The following AZU1 variants were observed in gnomAD, a reference collection of about 807,000 sequenced individuals.
AZU1 encodes azurocidin.
A neutral mutation model predicts 17.8 loss-of-function variants in AZU1; 21 were observed. The ratio of observed to expected loss-of-function variants is 1.18; its 90% CI spans 0.84 to 1.70. The LOEUF (loss-of-function observed/expected upper bound fraction) is 1.70. Ranked by LOEUF, AZU1 falls within the 40% of genes most tolerant of loss-of-function variation. The pLI, the probability that AZU1 is intolerant of heterozygous loss-of-function variation, is 0.00. For missense variants in AZU1, 379 were observed against 362.9 expected, an observed-to-expected ratio of 1.04 and a Z score of -0.36; for synonymous variants, 178 against 155.2, an observed-to-expected ratio of 1.15 and a Z score of -1.09.
chr19:830,643 C>T (rs2035275371), intron 3 of AZU1, 65 bp from the exon 4 acceptor site: 1 of 1,366,000 alleles, frequency 7.3e-7, no homozygotes, highest in African/African-American at 1.5e-5. Context: ...ACTTCTGCTC[C>T]CAGGGGTCCC....
chr19:828,061 G>T (rs2035236464), intron 1 of AZU1, among the ~76,000 whole-genome samples, 157 bp downstream of exon 1: 1 of 152,274 alleles, frequency 6.6e-6, no homozygotes, highest in African/African-American at 2.4e-5. Context: ...AGGGCGGACG[G>T]TGTGCGGGAC....
chr19:827,896 C>T lies in AZU1; in HGVS notation c.50C>T (p.Ser17Leu), dbSNP rs1052363793. 13 of 1,537,090 alleles carry T rather than the reference C, an allele frequency of 8.5e-6. No homozygotes were observed. The highest frequency in any genetic ancestry group is 2.0e-5 in the Admixed American group (1 of 51,146). ...CTGCTGGCTGGTCTGCTGGCGTCCT[C>T]GAGGGCCGGTGAGTGCCTCTCTGTG... is the stretch of plus-strand genomic sequence containing the variant. ...LALLAGLLAS[S>L]RAGSSPLLDI... Residue 17 changes from serine (S) to leucine (L), a missense_variant, in exon 1 of 5, where the codon TCG becomes TTG. Physicochemically the swap from Ser to Leu is moderately radical, Grantham distance 145. Coordinates refer to ENST00000233997, the MANE Select transcript of AZU1 (RefSeq NM_001700.5).
chr19:831,122 G>C, intron 4 of AZU1, 181 bp downstream of exon 4: 1 of 620,458 alleles, frequency 1.6e-6, no homozygotes, highest in East Asian at 2.9e-5. Flanking sequence ...CTGTCGCCCA[G>C]GCTGGAGTGT....
chr19:831,165 C>A (rs1307458362), intron 4 of AZU1: 6 of 518,132 alleles, frequency 1.2e-5, no homozygotes, highest in Non-Finnish European at 1.7e-5. Context: ...ACTGCAACCT[C>A]CGCCTCCTGG....
chr19:830,690 C>T lies in AZU1; in HGVS notation c.361-18C>T, dbSNP rs919044111. On this transcript the variant is annotated intron_variant, in intron 3 of 4. Coordinates refer to ENST00000233997, the MANE Select transcript of AZU1 (RefSeq NM_001700.5). ...AGTCCCCAGGGCCACCCTCCCCTGA[C>T]TCCATTTCCTTCCCCAGCTGGACCG... is the stretch of plus-strand genomic sequence containing the variant. 20 of 1,543,546 alleles carry T rather than the reference C, an allele frequency of 1.3e-5. 1 individual carries two copies. Among genetic ancestry groups the T allele is most frequent in the Middle Eastern group, 3.4e-4 (2 of 5,812 alleles).
intron 1 of AZU1, 85 bp from the exon 2 acceptor site, chr19:828,145 A>T: frequency 3.4e-6 from 5 of 1,467,068 alleles, no homozygotes; most frequent in Non-Finnish European, 4.6e-6. Context: ...CACTGGGTGG[A>T]TAGAGCTGAG....
intron 1 of AZU1, 125 bp downstream of exon 1, chr19:828,029 G>C: frequency 1.4e-6 from 2 of 1,421,192 alleles, no homozygotes; most frequent in South Asian, 1.3e-5. Flanking sequence ...AGCCCGGCCT[G>C]GACGATCCCG....
intron 4 of AZU1, 65 bp from the exon 5 acceptor site, chr19:831,651 T>C: frequency 1.4e-6 from 2 of 1,480,366 alleles, no homozygotes; most frequent in Non-Finnish European, 1.8e-6. Context: ...AAGAGGCCTC[T>C]GCAGTTCTGG....
chr19:828,317 GGCACTTCT>G lies in AZU1; in HGVS notation c.149_156del (p.His50ArgfsTer25). On this transcript the variant is annotated frameshift_variant, in exon 2 of 5. Transcript: ENST00000233997. LOFTEE classifies it high-confidence loss of function. ...CTGGCCTCCATTCAGAATCAAGGCA[GGCACTTCT>G]GCGGGGGTGCCCTGATCCATGCCCG... The G allele has an allele frequency of 1.2e-6, 2 of 1,611,364 alleles. No homozygotes were observed. Among genetic ancestry groups the G allele is most frequent in the Non-Finnish European group, 1.7e-6 (2 of 1,179,400 alleles).
At chr19:830,993 C>G (rs540843317) in intron 4 of AZU1, 52 bp downstream of exon 4, 6 of 1,546,112 alleles carry the variant, frequency 3.9e-6, no homozygotes, top group South Asian at 1.1e-5. Context: ...CTGAGCTCTC[C>G]GTGGCAGGAG....
Position 828,104 on chromosome 19 carries a change from C to A in AZU1, c.59-126C>A, listed in dbSNP as rs115762846. 179 of 1,328,448 alleles carry A rather than the reference C, an allele frequency of 1.3e-4. 2 individuals are homozygous for A. In the South Asian group the frequency reaches 2.3e-3, roughly 17 times the overall value. The allele number at this position is 1,328,448 out of a possible 1,614,324, so 82.3% of individuals were successfully genotyped here. A position where few individuals can be genotyped will look rare whatever the true frequency, so the allele number is the denominator to read the frequency against. Reference sequence around the variant, plus strand: ...CCCCCTGTCCTCTTAGGGAGTGGGACGATGGGGGAGGGTGGGTCCCCCCGC... The same window carrying A: ...CCCCCTGTCCTCTTAGGGAGTGGGAAGATGGGGGAGGGTGGGTCCCCCCGC... On this transcript the variant is annotated intron_variant, in intron 1 of 4. Transcript: ENST00000233997.
intron 3 of AZU1, among the ~76,000 whole-genome samples, 153 bp downstream of exon 3, chr19:829,859 C>T (rs1025104466): frequency 6.6e-6 from 1 of 151,702 alleles, no homozygotes; most frequent in Non-Finnish European, 1.5e-5. Flanking sequence ...GAGGCCGAGG[C>T]GGAAGGACGG....
Position 830,881 on chromosome 19 carries a change from C to T in AZU1, c.534C>T (p.Asp178=). 6.2e-7 allele frequency: 1 copy of T among 1,606,368 alleles called. No individual in the cohort carries two copies. Among genetic ancestry groups the T allele is most frequent in the Non-Finnish European group, 8.5e-7 (1 of 1,179,956 alleles). The change falls in exon 4 of 5, where the codon GAC becomes GAT. Residue 178 remains aspartate (D), a synonymous_variant. Transcript: ENST00000233997. The part of the protein sequence containing the change: ...RFVNVTVTPE[D]QCRPNNVCTG... ...TCAACGTGACTGTGACCCCCGAGGA[C>T]CAGTGTCGCCCCAACAACGTGTGCA...
At chr19:830,648 G>A (rs1393852624) in intron 3 of AZU1, 60 bp from the exon 4 acceptor site, 1 of 1,408,714 alleles carries the variant, frequency 7.1e-7, no homozygotes, top group African/African-American at 1.4e-5. Context: ...TGCTCCCAGG[G>A]GTCCCCATGA....
In AZU1 at chr19:829,643, C is replaced by T. The variant is rs1334379170; in HGVS notation, c.297C>T (p.Ile99=). 2.5e-6 allele frequency: 4 copies of T among 1,613,464 alleles called. No homozygotes were observed. The highest frequency in any genetic ancestry group is 3.4e-6 in the Non-Finnish European group (4 of 1,179,962). The part of the protein sequence containing the change: ...RERQSRQTFS[I]SSMSENGYDP... ...GGCAGTCCCGCCAGACGTTTTCCAT[C>T]AGCAGCATGAGCGAGAATGGCTACG... The change falls in exon 3 of 5, where the codon ATC becomes ATT. Residue 99 remains isoleucine (I), a synonymous_variant. Coordinates refer to ENST00000233997, the MANE Select transcript of AZU1 (RefSeq NM_001700.5).
rs2035263567 is a variant in AZU1, at chr19:829,721, C to T, written c.360+15C>T. ...TGCTGCTTCAGGTGAGAGGATGGTGCCACCTGTGATCCCAGCACCTCGGGA... is the reference window on the plus strand; with the variant it reads ...TGCTGCTTCAGGTGAGAGGATGGTGTCACCTGTGATCCCAGCACCTCGGGA... On this transcript the variant is annotated intron_variant, in intron 3 of 4. Transcript: ENST00000233997. 3 of 1,610,634 alleles carry T rather than the reference C, an allele frequency of 1.9e-6. No homozygotes were observed. Among genetic ancestry groups the T allele is most frequent in the Admixed American group, 1.7e-5 (1 of 59,910 alleles).
rs760294050 is a variant in AZU1, at chr19:830,960, GGGAGGAGGGGTCCTGA to G, written c.594+21_594+36del. The stretch of plus-strand genomic sequence containing the variant: ...CTGCAATGTGAGTGCTCCCTGTGGC[GGGAGGAGGGGTCCTGA>G]GAGGTACTGAGCTCTCCGTGGCAGG... On this transcript the variant is annotated intron_variant, in intron 4 of 4. Transcript: ENST00000233997. 31 of 1,594,236 alleles carry G rather than the reference GGGAGGAGGGGTCCTGA, an allele frequency of 1.9e-5. No homozygotes were observed. Among genetic ancestry groups the G allele is most frequent in the Admixed American group, 1.8e-4 (11 of 59,908 alleles).
intron 1 of AZU1, 148 bp from the exon 2 acceptor site, chr19:828,082 C>T: frequency 1.5e-6 from 2 of 1,334,558 alleles, no homozygotes; most frequent in Non-Finnish European, 2.1e-6. Context: ...TCAGGGGCCC[C>T]CTGTCCTCTT....
chr19:829,533 C>T (rs761131758), intron 2 of AZU1, 29 bp from the exon 3 acceptor site: 2 of 1,608,808 alleles, frequency 1.2e-6, no homozygotes, highest in Non-Finnish European at 1.7e-6. Context: ...CTGGTGTCCT[C>T]CCTCTGCCCT....
Sources: gnomAD v4.1 joint callset for allele counts (sites outside exome capture counted in the v4.1 genomes callset) on GRCh38, gnomAD v4.1.1 for gene constraint, MANE v1.5 for transcripts, NCBI Gene and HGNC (gene_info 2026-07-23, HGNC 2026-07-21) for gene names.